Variants in PAPSS2 observed in about 807,000 individuals in gnomAD.
PAPSS2 encodes the protein bifunctional 3'-phosphoadenosine 5'-phosphosulfate synthase 2.
Under a neutral mutation model 66.5 loss-of-function variants are expected in PAPSS2, and 61 were observed. The ratio of observed to expected loss-of-function variants is 0.92; its 90% CI spans 0.75 to 1.14. The LOEUF is 1.14. Among genes scored for constraint, PAPSS2 ranks in the 50% most tolerant of loss-of-function variants. The pLI is 0.00. For missense variants in PAPSS2, 708 were observed against 789.6 expected, an observed-to-expected ratio of 0.90 and a Z score of 1.24; for synonymous variants, 289 against 287.5, an observed-to-expected ratio of 1.01 and a Z score of -0.05.
At chr10:87,688,499 A>G (rs945871910) in intron 1 of PAPSS2, among the ~76,000 whole-genome samples, 1 of 145,370 alleles carries the variant, frequency 6.9e-6, no homozygotes, top group African/African-American at 2.6e-5. Context: ...TCACTCTGTC[A>G]CCCAGGCTGG....
At chr10:87,724,116 C>G (rs901000602) in intron 8 of PAPSS2, among the ~76,000 whole-genome samples, 13 of 152,056 alleles carry the variant, frequency 8.5e-5, no homozygotes, top group Admixed American at 1.3e-4. Flanking sequence ...AGGAGGAACA[C>G]CGTTTTGTAC....
At chr10:87,733,084 AAC>A (rs1210722574) in intron 9 of PAPSS2, among the ~76,000 whole-genome samples, 1 of 152,216 alleles carries the variant, frequency 6.6e-6, no homozygotes, top group African/African-American at 2.4e-5. Flanking sequence ...AAAACACTTT[AAC>A]ACAGGTTTTT....
At chr10:87,671,772 A>T (rs982643570) in intron 1 of PAPSS2, among the ~76,000 whole-genome samples, 4 of 152,194 alleles carry the variant, frequency 2.6e-5, no homozygotes, top group African/African-American at 9.7e-5. Context: ...TTGAGAAAAA[A>T]ATATAAAGAA....
intron 1 of PAPSS2, chr10:87,703,911 A>C: frequency 2.0e-6 from 1 of 500,118 alleles, no homozygotes; most frequent in Non-Finnish European, 4.0e-6. Context: ...ACAGCAAGAC[A>C]GACATTTTTT....
intron 1 of PAPSS2, among the ~76,000 whole-genome samples, chr10:87,663,204 C>T (rs1170750227): frequency 3.3e-5 from 5 of 150,954 alleles, no homozygotes; most frequent in African/African-American, 1.2e-4. Flanking sequence ...CTCCGCCTCC[C>T]GAGTTCAAGC....
In PAPSS2 at chr10:87,743,483, C is replaced by T. The variant is rs867183400; in HGVS notation, c.1333C>T (p.Leu445=). The change falls in exon 11 of 13, where the codon CTA becomes TTA. Residue 445 remains leucine, a synonymous_variant. Coordinates refer to ENST00000456849, the MANE Select transcript of PAPSS2 (RefSeq NM_001015880.2). ...LERGYKHPVL[L]LHPLGGWTKD... is the part of the protein sequence containing the mutation. ...GAGGGGCTACAAGCACCCGGTCCTC[C>T]TACTACACCCTCTGGGCGGCTGGAC... 4 of 1,614,156 alleles carry T rather than the reference C, an allele frequency of 2.5e-6. No homozygotes were observed. The African/African-American group carries it at 5.3e-5, about 22-fold the overall frequency.
rs1308150043 is a variant in PAPSS2 at position 87,741,486 on chromosome 10, CCAGGTT to C, written c.1222+119_1222+124del. ...CTCAGCTCACTGCAACCTCTGCCTC[CCAGGTT>C]CAAGTAATTCTCCTGCCTCAGCCTC... On this transcript the variant is annotated intron_variant, in intron 10 of 12. Coordinates refer to ENST00000456849, the MANE Select transcript of PAPSS2 (RefSeq NM_001015880.2). 9 of 875,400 alleles carry C rather than the reference CCAGGTT, an allele frequency of 1.0e-5. No individual in the cohort carries two copies. In the African/African-American group the frequency reaches 1.5e-4, roughly 15 times the overall value. The allele number at this position is 875,400 out of a possible 1,614,324, so 54.2% of individuals were successfully genotyped here.
chr10:87,684,621 T>C (rs1308819006), intron 1 of PAPSS2, among the ~76,000 whole-genome samples: 1 of 152,232 alleles, frequency 6.6e-6, no homozygotes, highest in Non-Finnish European at 1.5e-5. Context: ...TAGCTGTCCT[T>C]TGTTCATTCT....
intron 1 of PAPSS2, among the ~76,000 whole-genome samples, chr10:87,661,733 G>T (rs983621208): frequency 1.2e-4 from 18 of 152,250 alleles, no homozygotes; most frequent in African/African-American, 4.3e-4. Context: ...CGGAGGGTTT[G>T]GTTTTTGTAT....
chr10:87,723,405 TC>T (rs1295958080), intron 8 of PAPSS2, among the ~76,000 whole-genome samples: 3 of 150,730 alleles, frequency 2.0e-5, no homozygotes, highest in East Asian at 3.9e-4. Flanking sequence ...GAGATACATG[TC>T]ATTTATTAGC....
At chr10:87,660,041 C>T (rs1237289445) in intron 1 of PAPSS2, 33 bp downstream of exon 1, 2 of 1,602,084 alleles carry the variant, frequency 1.2e-6, no homozygotes, top group Admixed American at 1.7e-5. Flanking sequence ...CCCTCCCCGC[C>T]ACCGCACTGC....
chr10:87,720,437 A>T (rs1001508398), intron 7 of PAPSS2, among the ~76,000 whole-genome samples: 1 of 152,116 alleles, frequency 6.6e-6, no homozygotes, highest in African/African-American at 2.4e-5. Context: ...AAAGTGATTT[A>T]TTTCTATGTC....
chr10:87,665,470 C>G (rs953872950), intron 1 of PAPSS2, among the ~76,000 whole-genome samples: 1 of 152,216 alleles, frequency 6.6e-6, no homozygotes, highest in African/African-American at 2.4e-5. Context: ...CTCGGCCTCC[C>G]AAAGTGCTGG....
intron 1 of PAPSS2, among the ~76,000 whole-genome samples, chr10:87,680,403 T>TC (rs920816012): frequency 1.3e-5 from 2 of 152,066 alleles, no homozygotes; most frequent in Admixed American, 1.3e-4. Flanking sequence ...ATAACAAAGT[T>TC]CCCCAGGAAC....
intron 1 of PAPSS2, among the ~76,000 whole-genome samples, chr10:87,704,551 CAG>C (rs1244312458): frequency 5.3e-5 from 8 of 152,140 alleles, no homozygotes; most frequent in Non-Finnish European, 1.2e-4. Flanking sequence ...GGATTGGGAT[CAG>C]AGTCTTTTTC....
rs1411240207 is a variant in PAPSS2 at position 87,706,098 on chromosome 10, A to G, written c.28-3098A>G. ...TTCTTCACATGGTATATATATATAT[A>G]TATATATATATGTGTGTGTGTGTGT... On this transcript the variant is annotated intron_variant, in intron 1 of 12. Transcript: ENST00000456849. 6.7e-4 allele frequency among the ~76,000 whole-genome samples: 56 copies of G among 83,390 alleles called. 1 individual carries two copies. Among genetic ancestry groups the G allele is most frequent in the African/African-American group, 3.2e-3 (46 of 14,206 alleles). 54.7% of individuals were successfully genotyped at this position (83,390 alleles called of 152,430 possible).
chr10:87,675,904 T>C (rs148622813), intron 1 of PAPSS2, among the ~76,000 whole-genome samples: 7 of 151,932 alleles, frequency 4.6e-5, no homozygotes, highest in Non-Finnish European at 7.4e-5. Flanking sequence ...CATTGTAACA[T>C]GCCTGAGGGC....
intron 1 of PAPSS2, among the ~76,000 whole-genome samples, chr10:87,695,282 T>C (rs1373997067): frequency 6.6e-6 from 1 of 152,204 alleles, no homozygotes; most frequent in African/African-American, 2.4e-5. Flanking sequence ...GTGGGGCCTC[T>C]TCATAAGAGC....
At chr10:87,661,239 G>C (rs55797620) in intron 1 of PAPSS2, among the ~76,000 whole-genome samples, 19,875 of 151,954 alleles carry the variant, frequency 0.13, 1,476 homozygotes, top group South Asian at 0.28. Flanking sequence ...AGAACAGGGT[G>C]GGGGCTCTGT....
Sources: allele counts gnomAD v4.1 joint callset (sites outside exome capture counted in the v4.1 genomes callset), GRCh38; gene constraint gnomAD v4.1.1; transcripts MANE v1.5; gene names NCBI Gene and HGNC (gene_info 2026-07-23, HGNC 2026-07-21).